The following FNIP1 variants were observed in gnomAD, a reference collection of about 807,000 sequenced individuals.
The protein encoded by FNIP1 is folliculin-interacting protein 1.
A neutral mutation model predicts 124.5 loss-of-function variants in FNIP1; 40 were observed. That is an observed-to-expected ratio of 0.32 (90% CI 0.25 to 0.42). The LOEUF is 0.42. FNIP1 is among the 10% of genes least tolerant of loss of function. The pLI, the probability that FNIP1 is intolerant of heterozygous loss-of-function variation, is 1.00. For synonymous variants in FNIP1, 472 were observed against 470.6 expected, an observed-to-expected ratio of 1.00 and a Z score of -0.04; for missense variants, 1,176 against 1,403.7, an observed-to-expected ratio of 0.84 and a Z score of 2.59.
chr5:131,727,500 C>T (rs2149547898), intron 3 of FNIP1, among the ~76,000 whole-genome samples: 1 of 151,940 alleles, frequency 6.6e-6, no homozygotes, highest in South Asian at 2.1e-4. Context: ...GGATTGCTAC[C>T]CCTGCTTTTT....
intron 4 of FNIP1, 52 bp downstream of exon 4, chr5:131,719,265 C>T (rs547894480): frequency 8.6e-5 from 132 of 1,534,642 alleles, no homozygotes; most frequent in South Asian, 2.5e-4. Flanking sequence ...TCTAAAAAAA[C>T]GAAAATATCT....
chr5:131,794,097 A>C (rs917982371), intron 1 of FNIP1, among the ~76,000 whole-genome samples: 1 of 151,888 alleles, frequency 6.6e-6, no homozygotes, highest in African/African-American at 2.4e-5. Context: ...TGGGAGGCCA[A>C]GGTGGGAGGA....
intron 1 of FNIP1, among the ~76,000 whole-genome samples, chr5:131,775,522 T>C (rs1476511116): frequency 2.0e-5 from 3 of 147,690 alleles, no homozygotes. Flanking sequence ...ATACATATTA[T>C]ATATACTTTT....
At chr5:131,665,791 A>G (rs1049260047) in intron 15 of FNIP1, among the ~76,000 whole-genome samples, 12 of 151,428 alleles carry the variant, frequency 7.9e-5, no homozygotes, top group African/African-American at 2.7e-4. Flanking sequence ...GGGTTTCACT[A>G]TGTTGGCCAG....
intron 1 of FNIP1, among the ~76,000 whole-genome samples, chr5:131,747,814 A>G (rs542926732): frequency 6.6e-6 from 1 of 152,182 alleles, no homozygotes; most frequent in Admixed American, 6.5e-5. Context: ...ATATTCTGCT[A>G]TTTAAAAAAT....
chr5:131,778,842 T>C (rs1388564133), intron 1 of FNIP1, among the ~76,000 whole-genome samples: 1 of 139,438 alleles, frequency 7.2e-6, no homozygotes, highest in South Asian at 2.4e-4. Flanking sequence ...TCATGTCGTT[T>C]GTAGGGACAT....
chr5:131,795,366 C>G (rs931831783), intron 1 of FNIP1, among the ~76,000 whole-genome samples: 3 of 152,074 alleles, frequency 2.0e-5, no homozygotes, highest in Non-Finnish European at 4.4e-5. Context: ...TTTTGAAAAC[C>G]AGACGTGAAA....
In FNIP1 at chr5:131,651,056, C is replaced by T. The variant is rs142986973; in HGVS notation, c.3306+746G>A. Among the ~76,000 whole-genome samples, 725 of 151,784 alleles carry T rather than the reference C, an allele frequency of 4.8e-3. 5 individuals carry two copies. The highest frequency in any genetic ancestry group is 0.017 in the African/African-American group (688 of 41,304). On this transcript the variant is annotated intron_variant, in intron 16 of 17. Transcript: ENST00000510461. Reference sequence around the variant, plus strand: ...ACCCCTTCTGTCTTAGCTTGGGCTGCCATAACAAAGTATCATAGACTGGAT... The same window carrying T: ...ACCCCTTCTGTCTTAGCTTGGGCTGTCATAACAAAGTATCATAGACTGGAT...
intron 11 of FNIP1, among the ~76,000 whole-genome samples, chr5:131,687,738 T>C (rs555326432): frequency 4.5e-4 from 69 of 152,306 alleles, no homozygotes; most frequent in Non-Finnish European, 4.7e-4. Flanking sequence ...AACACTTAAA[T>C]AGTAATTGAC....
chr5:131,707,437 T>C (rs1769151683), intron 8 of FNIP1, among the ~76,000 whole-genome samples: 1 of 152,220 alleles, frequency 6.6e-6, no homozygotes, highest in Non-Finnish European at 1.5e-5. Flanking sequence ...GGCCAGATGA[T>C]AAATTATTTT....
In FNIP1 at chr5:131,784,436, T is replaced by G. The variant is rs1416960041; in HGVS notation, c.92+12394A>C. Among the ~76,000 whole-genome samples the G allele has an allele frequency of 2.0e-5, 3 of 152,260 alleles. No individual in the cohort carries two copies. In the South Asian group the frequency reaches 6.2e-4, roughly 32 times the overall value. ...ATTGAAAGAATGAAGGAGAAGGGTA[T>G]GTATGTGTGTGTGTGTTAAAGACCT... On this transcript the variant is annotated intron_variant, in intron 1 of 17. Transcript: ENST00000510461.
intron 15 of FNIP1, 40 bp from the exon 16 acceptor site, chr5:131,652,039 G>A: frequency 6.4e-7 from 1 of 1,567,350 alleles, no homozygotes; most frequent in Non-Finnish European, 8.7e-7. Flanking sequence ...TTTAGCAAAT[G>A]AAGTTTCCAA....
chr5:131,753,191 C>A (rs1043469615), intron 1 of FNIP1, among the ~76,000 whole-genome samples: 7 of 152,192 alleles, frequency 4.6e-5, no homozygotes, highest in Non-Finnish European at 8.8e-5. Flanking sequence ...TTGGAACTCC[C>A]ATACATTGTT....
At chr5:131,729,636 G>T (rs918479104) in intron 3 of FNIP1, among the ~76,000 whole-genome samples, 2 of 152,136 alleles carry the variant, frequency 1.3e-5, no homozygotes, top group African/African-American at 4.8e-5. Flanking sequence ...GGGTTGCTAT[G>T]GCATGATCAT....
intron 1 of FNIP1, among the ~76,000 whole-genome samples, chr5:131,776,769 G>T (rs972972811): frequency 1.3e-5 from 2 of 152,184 alleles, no homozygotes; most frequent in Admixed American, 6.5e-5. Flanking sequence ...AAAGATGAGG[G>T]AGAGTAACTA....
At chr5:131,759,426 A>T (rs1317965316) in intron 1 of FNIP1, among the ~76,000 whole-genome samples, 1 of 152,158 alleles carries the variant, frequency 6.6e-6, no homozygotes, top group Non-Finnish European at 1.5e-5. Flanking sequence ...CCCCATTAAA[A>T]AAATGGCCAA....
chr5:131,660,809 G>A (rs575421685), intron 15 of FNIP1, among the ~76,000 whole-genome samples: 13 of 152,292 alleles, frequency 8.5e-5, no homozygotes, highest in East Asian at 7.7e-4. Flanking sequence ...GTCCCCCACC[G>A]GCAATAGATC....
At chr5:131,728,257 T>C (rs1769956154) in intron 3 of FNIP1, among the ~76,000 whole-genome samples, 2 of 152,230 alleles carry the variant, frequency 1.3e-5, no homozygotes, top group East Asian at 1.9e-4. Context: ...TCGTGGATAA[T>C]ATCCTTAAGA....
intron 1 of FNIP1, among the ~76,000 whole-genome samples, chr5:131,776,724 T>C (rs1580830235): frequency 6.6e-6 from 1 of 152,212 alleles, no homozygotes; most frequent in Admixed American, 6.5e-5. Context: ...AACTAATTTA[T>C]ACTGTTAGAA....
Sources: allele counts gnomAD v4.1 joint callset (sites outside exome capture counted in the v4.1 genomes callset), GRCh38; gene constraint gnomAD v4.1.1; transcripts MANE v1.5; gene names NCBI Gene and HGNC (gene_info 2026-07-23, HGNC 2026-07-21).